Variants in FGGY observed in about 807,000 individuals in gnomAD.
FGGY encodes FGGY carbohydrate kinase domain containing.
FGGY carries 72 observed loss-of-function variants against 71.3 expected under a neutral mutation model. The observed-to-expected ratio is 1.01, with a 90% CI of 0.84 to 1.23. The LOEUF (loss-of-function observed/expected upper bound fraction) is 1.23, where lower values mean the gene tolerates loss of function less well. Ranked by LOEUF, FGGY falls within the 50% of genes most tolerant of loss-of-function variation. FGGY has a pLI of 0.00. For synonymous variants in FGGY, 251 were observed against 250.3 expected, an observed-to-expected ratio of 1.00 and a Z score of -0.02; for missense variants, 668 against 682.3, an observed-to-expected ratio of 0.98 and a Z score of 0.23.
chr1:59,444,732 C>T (rs1018177532), intron 5 of FGGY, among the ~76,000 whole-genome samples: 19 of 152,122 alleles, frequency 1.2e-4, no homozygotes, highest in African/African-American at 2.7e-4. Flanking sequence ...CTAAGTTGCA[C>T]GCTCCTTATG....
At chr1:59,334,935 C>T (rs1466032877) in intron 2 of FGGY, among the ~76,000 whole-genome samples, 5 of 152,112 alleles carry the variant, frequency 3.3e-5, no homozygotes, top group Non-Finnish European at 7.4e-5. Context: ...AATCTATATC[C>T]TCCTCCTGCA....
At chr1:59,605,846 G>GCA (rs2096618644) in intron 8 of FGGY, among the ~76,000 whole-genome samples, 1 of 152,088 alleles carries the variant, frequency 6.6e-6, no homozygotes, top group African/African-American at 2.4e-5. Flanking sequence ...ACATTACCAA[G>GCA]CACATAGTAA....
At chr1:59,385,857 T>G (rs905164338) in intron 5 of FGGY, among the ~76,000 whole-genome samples, 1 of 152,146 alleles carries the variant, frequency 6.6e-6, no homozygotes, top group Non-Finnish European at 1.5e-5. Context: ...CAAGATTAAC[T>G]GAGTGAACAG....
chr1:59,500,318 T>C (rs886421811), intron 6 of FGGY, among the ~76,000 whole-genome samples: 15 of 152,108 alleles, frequency 9.9e-5, no homozygotes, highest in African/African-American at 3.6e-4. Flanking sequence ...GATATCACCT[T>C]AGTTTTATGG....
At chr1:59,742,559 T>C (rs1428547525) in intron 14 of FGGY, among the ~76,000 whole-genome samples, 1 of 152,270 alleles carries the variant, frequency 6.6e-6, no homozygotes, top group African/African-American at 2.4e-5. Flanking sequence ...TCATTTACTA[T>C]TTATATGCCA....
At chr1:59,349,200 A>T (rs2052742225) in intron 4 of FGGY, among the ~76,000 whole-genome samples, 1 of 152,174 alleles carries the variant, frequency 6.6e-6, no homozygotes, top group Non-Finnish European at 1.5e-5. Context: ...ATCTCAGCTT[A>T]TTCCATCATG....
chr1:59,508,509 T>C (rs1432163121), intron 6 of FGGY, among the ~76,000 whole-genome samples: 1 of 152,192 alleles, frequency 6.6e-6, no homozygotes, highest in African/African-American at 2.4e-5. Flanking sequence ...AAGGATTATA[T>C]TGGGAAAAGT....
intron 6 of FGGY, among the ~76,000 whole-genome samples, chr1:59,479,863 C>T (rs941679340): frequency 2.0e-5 from 3 of 152,124 alleles, no homozygotes; most frequent in Admixed American, 1.3e-4. Flanking sequence ...TGTAAGCACA[C>T]AGGAAAGGGT....
intron 6 of FGGY, among the ~76,000 whole-genome samples, chr1:59,486,269 T>C (rs1224199427): frequency 6.6e-6 from 1 of 152,118 alleles, no homozygotes; most frequent in Non-Finnish European, 1.5e-5. Flanking sequence ...AACCACAATG[T>C]CACTACATCC....
At chr1:59,340,117 T>G (rs200068405) in intron 3 of FGGY, 48 bp downstream of exon 3, 1 of 1,355,416 alleles carries the variant, frequency 7.4e-7, no homozygotes, top group East Asian at 2.3e-5. Context: ...ACTTGGCTGA[T>G]TAATCCAATG....
At chr1:59,642,538 T>C (rs1161819934) in intron 11 of FGGY, among the ~76,000 whole-genome samples, 1 of 151,340 alleles carries the variant, frequency 6.6e-6, no homozygotes, top group Non-Finnish European at 1.5e-5. Flanking sequence ...GGCAGGAGAA[T>C]TGCTTGAACC....
At chr1:59,729,219 G>C (rs866754693) in intron 14 of FGGY, among the ~76,000 whole-genome samples, 99 of 151,334 alleles carry the variant, frequency 6.5e-4, no homozygotes, top group African/African-American at 2.3e-3. Flanking sequence ...TTATTATTAG[G>C]ATTTCTTTTA....
chr1:59,377,358 C>A (rs2058786793), intron 4 of FGGY, among the ~76,000 whole-genome samples: 2 of 152,172 alleles, frequency 1.3e-5, no homozygotes, highest in South Asian at 4.1e-4. Flanking sequence ...AGGAAACTTA[C>A]AATCATGGTG....
intron 4 of FGGY, among the ~76,000 whole-genome samples, chr1:59,359,941 G>A (rs2055109118): frequency 6.6e-6 from 1 of 152,056 alleles, no homozygotes; most frequent in African/African-American, 2.4e-5. Flanking sequence ...TCTCATTATG[G>A]CTTTGCTAAA....
chr1:59,607,931 T>C (rs1379552011), intron 9 of FGGY, 21 bp downstream of exon 9: 2 of 1,565,824 alleles, frequency 1.3e-6, no homozygotes, highest in African/African-American at 2.7e-5. Context: ...ACTTTCTCAA[T>C]AGGGTCATGG....
At chr1:59,300,068 A>G (rs921182416) in intron 1 of FGGY, among the ~76,000 whole-genome samples, 2 of 152,220 alleles carry the variant, frequency 1.3e-5, no homozygotes, top group African/African-American at 4.8e-5. Context: ...ATGTAGGGAT[A>G]AGAAGGAATG....
intron 10 of FGGY, 142 bp downstream of exon 10, chr1:59,626,191 C>A: frequency 1.6e-6 from 1 of 609,084 alleles, no homozygotes; most frequent in South Asian, 2.5e-5. Flanking sequence ...CCTGGATGAT[C>A]CAGAAGATAG....
intron 9 of FGGY, among the ~76,000 whole-genome samples, chr1:59,617,449 A>T (rs1053845180): frequency 2.0e-5 from 3 of 152,144 alleles, no homozygotes; most frequent in African/African-American, 7.2e-5. Flanking sequence ...AGAATGAAGG[A>T]AAAGAAACAG....
At chr1:59,399,894 G>C (rs1282188500) in intron 5 of FGGY, among the ~76,000 whole-genome samples, 2 of 152,106 alleles carry the variant, frequency 1.3e-5, no homozygotes, top group African/African-American at 4.8e-5. Flanking sequence ...TGCTCAATCT[G>C]GGTGCTTTGT....
Sources: allele counts gnomAD v4.1 joint callset (sites outside exome capture counted in the v4.1 genomes callset), GRCh38; gene constraint gnomAD v4.1.1; transcripts MANE v1.5; gene names NCBI Gene and HGNC (gene_info 2026-07-23, HGNC 2026-07-21).